Variants in KCNN2 observed in about 807,000 individuals in gnomAD.
The protein encoded by KCNN2 is potassium calcium-activated channel subfamily N member 2, also known as small conductance calcium-activated potassium channel protein 2.
KCNN2 carries 24 observed loss-of-function variants against 55.5 expected under a neutral mutation model. The observed-to-expected ratio is 0.43, with a 90% CI of 0.31 to 0.61. The LOEUF (loss-of-function observed/expected upper bound fraction) is 0.61. KCNN2 is among the 20% of genes least tolerant of loss of function. The pLI is 0.08. For synonymous variants in KCNN2, 431 were observed against 336.1 expected, an observed-to-expected ratio of 1.28 and a Z score of -3.09; for missense variants, 754 against 853.6, an observed-to-expected ratio of 0.88 and a Z score of 1.45.
chr5:114,368,910 G>A (rs1277465149), intron 2 of KCNN2, among the ~76,000 whole-genome samples: 2 of 151,900 alleles, frequency 1.3e-5, no homozygotes, highest in African/African-American at 4.8e-5. Context: ...TTCTATGGAT[G>A]TACTGTGGTT....
At chr5:114,167,910 T>A (rs6879669) in intron 1 of KCNN2, among the ~76,000 whole-genome samples, 132,484 of 152,106 alleles carry the variant, frequency 0.87, 57,831 homozygotes, top group East Asian at 0.94. Flanking sequence ...ATATAAAGGG[T>A]ATCATGCAGT....
At chr5:114,088,360 T>G (rs1751060809) in intron 1 of KCNN2, among the ~76,000 whole-genome samples, 1 of 151,926 alleles carries the variant, frequency 6.6e-6, no homozygotes. Context: ...GATAGTATTT[T>G]TGTGTGTGTT....
intron 3 of KCNN2, 58 bp downstream of exon 3, chr5:114,404,914 G>T (rs1554086568): frequency 1.4e-6 from 2 of 1,435,920 alleles, no homozygotes; most frequent in Non-Finnish European, 9.3e-7. Flanking sequence ...TCACAAGTAA[G>T]AAAAAAAAAA....
upstream of KCNN2, among the ~76,000 whole-genome samples, chr5:114,358,567 C>G (rs1409489510): frequency 1.3e-5 from 2 of 152,130 alleles, no homozygotes; most frequent in African/African-American, 4.8e-5. Flanking sequence ...AATTCTCTCA[C>G]TTATATGCTT....
intron 2 of KCNN2, among the ~76,000 whole-genome samples, chr5:114,251,093 G>C (rs1159367384): frequency 6.6e-6 from 1 of 152,182 alleles, no homozygotes; most frequent in Non-Finnish European, 1.5e-5. Flanking sequence ...GCGGTACATT[G>C]CATCCTGGTA....
intron 2 of KCNN2, among the ~76,000 whole-genome samples, chr5:114,373,144 C>T (rs1038330854): frequency 2.0e-5 from 3 of 151,956 alleles, no homozygotes; most frequent in Non-Finnish European, 2.9e-5. Context: ...AACTATGTGG[C>T]GAATTCTGCA....
intron 2 of KCNN2, among the ~76,000 whole-genome samples, chr5:114,228,788 G>T (rs1006375666): frequency 6.6e-6 from 1 of 151,860 alleles, no homozygotes; most frequent in Admixed American, 6.6e-5. Flanking sequence ...TTTAATAGTG[G>T]CTTTTGGATT....
chr5:114,238,214 A>G (rs971325715), intron 2 of KCNN2, among the ~76,000 whole-genome samples: 1 of 152,212 alleles, frequency 6.6e-6, no homozygotes, highest in African/African-American at 2.4e-5. Flanking sequence ...ATCCTCTTGT[A>G]GGTTACTCTT....
chr5:114,493,334 G>A (rs749813714), intron 6 of KCNN2, 69 bp from the exon 7 acceptor site: 1 of 950,662 alleles, frequency 1.1e-6, no homozygotes, highest in East Asian at 2.4e-5. Context: ...TTTTGTGCAT[G>A]CTCTTTGGAA....
chr5:114,070,150 T>G (rs1033185153), intron 1 of KCNN2, among the ~76,000 whole-genome samples: 4 of 152,188 alleles, frequency 2.6e-5, no homozygotes, highest in Non-Finnish European at 4.4e-5. Flanking sequence ...CTTGTCTTGC[T>G]CTGATAGTTG....
At chr5:114,197,552 C>T (rs1417966585) in intron 1 of KCNN2, among the ~76,000 whole-genome samples, 3 of 152,254 alleles carry the variant, frequency 2.0e-5, no homozygotes, top group Admixed American at 6.5e-5. Context: ...TAATCAGGGC[C>T]CCAGTATTCT....
chr5:114,426,662 C>A (rs1167612449), intron 3 of KCNN2, among the ~76,000 whole-genome samples: 1 of 152,044 alleles, frequency 6.6e-6, no homozygotes, highest in African/African-American at 2.4e-5. Flanking sequence ...CATTTGTGGT[C>A]ATTGGAACTA....
chr5:114,234,247 T>G (rs932213521), intron 2 of KCNN2, among the ~76,000 whole-genome samples: 2 of 152,206 alleles, frequency 1.3e-5, no homozygotes, highest in African/African-American at 4.8e-5. Context: ...ACAATGTTTT[T>G]CATAAGTCAT....
intron 1 of KCNN2, among the ~76,000 whole-genome samples, chr5:114,078,693 C>G (rs1750734502): frequency 6.6e-6 from 1 of 152,060 alleles, no homozygotes; most frequent in African/African-American, 2.4e-5. Context: ...AAGAATAAGG[C>G]TTAGAGGAAT....
At chr5:114,409,102 C>A (rs1470151911) in intron 3 of KCNN2, among the ~76,000 whole-genome samples, 2 of 152,154 alleles carry the variant, frequency 1.3e-5, no homozygotes, top group Non-Finnish European at 2.9e-5. Context: ...GGCTGAGTGA[C>A]CTCAGGCCAA....
At chr5:114,445,959 A>C (rs1404589060) in intron 3 of KCNN2, among the ~76,000 whole-genome samples, 3 of 152,212 alleles carry the variant, frequency 2.0e-5, no homozygotes, top group African/African-American at 7.2e-5. Context: ...GCATAGGCTT[A>C]ATAGGAAGAA....
intron 2 of KCNN2, among the ~76,000 whole-genome samples, chr5:114,272,763 T>C (rs559442091): frequency 1.3e-5 from 2 of 152,218 alleles, no homozygotes; most frequent in East Asian, 3.8e-4. Context: ...CCTTACTGAA[T>C]ATTCCAACTA....
intron 2 of KCNN2, among the ~76,000 whole-genome samples, chr5:114,258,715 G>T (rs1173212391): frequency 5.3e-5 from 8 of 152,168 alleles, no homozygotes; most frequent in Non-Finnish European, 1.0e-4. Context: ...TGGTGCTTGG[G>T]ACACTCACAT....
intron 1 of KCNN2, among the ~76,000 whole-genome samples, chr5:114,094,667 A>C (rs546546912): frequency 6.6e-6 from 1 of 152,338 alleles, no homozygotes; most frequent in South Asian, 2.1e-4. Flanking sequence ...CAGCTGCTTC[A>C]TAAGTGAATT....
Sources: allele counts gnomAD v4.1 joint callset (sites outside exome capture counted in the v4.1 genomes callset), GRCh38; gene constraint gnomAD v4.1.1; transcripts MANE v1.5; gene names NCBI Gene and HGNC (gene_info 2026-07-23, HGNC 2026-07-21).